Variants in FSTL4 observed in about 807,000 individuals in gnomAD.
The protein encoded by FSTL4 is follistatin-related protein 4.
Under a neutral mutation model 78.2 loss-of-function variants are expected in FSTL4, and 28 were observed. That is an observed-to-expected ratio of 0.36 (90% CI 0.27 to 0.49). FSTL4 has a LOEUF of 0.49. Among genes scored for constraint, FSTL4 ranks in the 20% least tolerant of loss-of-function variants. The probability of loss-of-function intolerance (pLI) is 0.98; values close to 1 mark genes in which losing one functional copy is unlikely to be tolerated. For missense variants in FSTL4, 922 were observed against 1,084.9 expected (o/e 0.85, Z 2.11); for synonymous variants, 422 against 440.5 (o/e 0.96, Z 0.53).
chr5:133,476,006 G>A (rs1480435876), intron 3 of FSTL4, among the ~76,000 whole-genome samples: 1 of 152,164 alleles, frequency 6.6e-6, no homozygotes, highest in Non-Finnish European at 1.5e-5. Flanking sequence ...GGTAAGGTGG[G>A]TGAGGGGTGC....
chr5:133,636,145 A>G, the FSTL4 span, among the ~76,000 whole-genome samples: 1 of 152,184 alleles, frequency 6.6e-6, no homozygotes, highest in Non-Finnish European at 1.5e-5. Flanking sequence ...TTCGTAGAAG[A>G]TATTTACTGG....
chr5:133,662,428 G>A, the FSTL4 span, among the ~76,000 whole-genome samples: 1 of 152,116 alleles, frequency 6.6e-6, no homozygotes, highest in East Asian at 1.9e-4. Flanking sequence ...ATTGGAATTT[G>A]TACAGCTTTT....
At chr5:133,534,181 G>T in intron 3 of FSTL4, among the ~76,000 whole-genome samples, 1 of 151,330 alleles carries the variant, frequency 6.6e-6, no homozygotes, top group Admixed American at 6.6e-5. Context: ...AACCAAATAA[G>T]TAAATTGAGT....
At chr5:133,221,891 GTTT>G (rs59400068) in intron 11 of FSTL4, among the ~76,000 whole-genome samples, 27 of 43,332 alleles carry the variant, frequency 6.2e-4, no homozygotes, top group African/African-American at 1.2e-3. Context: ...CTCTTTTCTA[GTTT>G]TTTTTTTTTT....
chr5:133,621,547 G>T, the FSTL4 span, among the ~76,000 whole-genome samples: 1 of 152,188 alleles, frequency 6.6e-6, no homozygotes, highest in Non-Finnish European at 1.5e-5. Flanking sequence ...TGGGAGCTAA[G>T]CTATAAGGAC....
chr5:133,486,637 T>C (rs532603337), intron 3 of FSTL4, among the ~76,000 whole-genome samples: 1 of 152,212 alleles, frequency 6.6e-6, no homozygotes, highest in Non-Finnish European at 1.5e-5. Context: ...AAAACAACCC[T>C]GGTGACCCTT....
At position 133,215,522 on chromosome 5, in the gene FSTL4, C is replaced by G. The variant is rs570099091; in HGVS notation, c.1608+1707G>C. ...CTCCCTGCCTTGCCCGAAGTCTCTT[C>G]TCTTCTAACAGTATTTTAAACTTAA... On this transcript the variant is annotated intron_variant, in intron 13 of 15. Coordinates refer to ENST00000265342, the MANE Select transcript of FSTL4 (RefSeq NM_015082.2). Among the ~76,000 whole-genome samples, 3 of 152,352 alleles carry G rather than the reference C, an allele frequency of 2.0e-5. No homozygotes were observed. The East Asian group carries it at 5.8e-4, about 29-fold the overall frequency.
chr5:133,356,018 TG>T (rs1181577958), intron 4 of FSTL4, among the ~76,000 whole-genome samples: 79 of 152,268 alleles, frequency 5.2e-4, no homozygotes, highest in Non-Finnish European at 8.4e-4. Context: ...TACAGAGGCT[TG>T]GGGGCCTGGG....
chr5:133,541,153 AAAC>A (rs1217660959), intron 3 of FSTL4, among the ~76,000 whole-genome samples: 2 of 152,238 alleles, frequency 1.3e-5, no homozygotes, highest in African/African-American at 2.4e-5. Flanking sequence ...TAGTGACTTA[AAAC>A]AACAACAAGC....
chr5:133,755,244 G>T, the FSTL4 span, among the ~76,000 whole-genome samples: 5 of 152,182 alleles, frequency 3.3e-5, no homozygotes, highest in Admixed American at 6.5e-5. Flanking sequence ...AGAAAGGGAT[G>T]CAGCTGTGAG....
In FSTL4 at chr5:133,196,557, A is replaced by G. The variant is rs1750151259; in HGVS notation, c.*2538T>C. Reference sequence around the variant, plus strand: ...AGTCAGTACTTCTTTAATAGCTAAGATATCAGTTGTGAATTGACCTTGTGG... The same window carrying G: ...AGTCAGTACTTCTTTAATAGCTAAGGTATCAGTTGTGAATTGACCTTGTGG... On this transcript the variant is annotated 3_prime_UTR_variant, in exon 16 of 16. Transcript: ENST00000265342. 1 of 152,152 alleles carries G rather than the reference A, an allele frequency of 6.6e-6. No homozygotes were observed. 9.4% of individuals were successfully genotyped at this position (152,152 alleles called of 1,614,324 possible).
intron 3 of FSTL4, among the ~76,000 whole-genome samples, chr5:133,474,997 C>T (rs1218178808): frequency 1.3e-5 from 2 of 152,216 alleles, no homozygotes; most frequent in Admixed American, 1.3e-4. Flanking sequence ...CAAAGGCTGT[C>T]CTCAGCAGAG....
intron 3 of FSTL4, among the ~76,000 whole-genome samples, chr5:133,413,386 C>A (rs1756518046): frequency 6.6e-6 from 1 of 152,006 alleles, no homozygotes; most frequent in Non-Finnish European, 1.5e-5. Flanking sequence ...TGTTCCCCTG[C>A]CCTCTGGCTT....
chr5:133,518,713 C>A (rs2112895590), intron 3 of FSTL4, among the ~76,000 whole-genome samples: 1 of 152,250 alleles, frequency 6.6e-6, no homozygotes. Context: ...TTTTTCTTAA[C>A]CCGTGCATAG....
chr5:133,708,336 A>G, the FSTL4 span, among the ~76,000 whole-genome samples: 4 of 152,098 alleles, frequency 2.6e-5, no homozygotes, highest in South Asian at 4.2e-4. Flanking sequence ...CGCCCTTTTC[A>G]TCTCCTCCAG....
chr5:133,617,966 A>G, the FSTL4 span, among the ~76,000 whole-genome samples: 3 of 152,178 alleles, frequency 2.0e-5, no homozygotes, highest in Non-Finnish European at 2.9e-5. Context: ...CAGAAGAAGG[A>G]GAGGGCTAGG....
In FSTL4 at chr5:133,440,591, A is replaced by G. The variant is rs1297621795; in HGVS notation, c.161-39605T>C. Reference sequence around the variant, plus strand: ...AGGATGGATGTGCCAAGGAGGGCTAATAGTTTTCCATGGAGCTGGGTCACC... The same window carrying G: ...AGGATGGATGTGCCAAGGAGGGCTAGTAGTTTTCCATGGAGCTGGGTCACC... On this transcript the variant is annotated intron_variant, in intron 3 of 15. Coordinates refer to ENST00000265342, the MANE Select transcript of FSTL4 (RefSeq NM_015082.2). This position sits in a 1 kb window ranked among gnomAD's most constrained non-coding sequence, Gnocchi z 4.1. 6.6e-6 allele frequency among the ~76,000 whole-genome samples: 1 copy of G among 152,208 alleles called. No individual in the cohort carries two copies. Among genetic ancestry groups the G allele is most frequent in the Non-Finnish European group, 1.5e-5 (1 of 68,020 alleles).
chr5:133,326,000 G>A (rs564016950), intron 4 of FSTL4, among the ~76,000 whole-genome samples: 4 of 152,354 alleles, frequency 2.6e-5, no homozygotes, highest in African/African-American at 7.2e-5. Flanking sequence ...AGCTCAGTGC[G>A]GCTGCGTTAC....
At chr5:133,481,770 C>G (rs937258647) in intron 3 of FSTL4, among the ~76,000 whole-genome samples, 8 of 152,150 alleles carry the variant, frequency 5.3e-5, no homozygotes, top group African/African-American at 1.9e-4. Flanking sequence ...GCCAACAGAG[C>G]AACCCGGAAT....
Sources: gnomAD v4.1 joint callset for allele counts (sites outside exome capture counted in the v4.1 genomes callset) on GRCh38, gnomAD v4.1.1 for gene constraint, Gnocchi (gnomAD v3.1) non-coding constraint, MANE v1.5 for transcripts, NCBI Gene and HGNC (gene_info 2026-07-23, HGNC 2026-07-21) for gene names.